The following RNF130 variants were observed in gnomAD, a reference collection of about 807,000 sequenced individuals.
RNF130 encodes ring finger protein 130.
RNF130 carries 21 observed loss-of-function variants against 44.6 expected under a neutral mutation model. The observed-to-expected ratio is 0.47, with a 90% CI of 0.33 to 0.68. The LOEUF is 0.68. RNF130 is among the 30% of genes least tolerant of loss of function. The pLI is 0.02. For synonymous variants in RNF130, 214 were observed against 210.4 expected, an observed-to-expected ratio of 1.02 and a Z score of -0.15; for missense variants, 479 against 560.6, an observed-to-expected ratio of 0.85 and a Z score of 1.47.
chr5:180,016,198 C>A (rs561640580), intron 2 of RNF130, among the ~76,000 whole-genome samples: 2 of 151,924 alleles, frequency 1.3e-5, no homozygotes, highest in Non-Finnish European at 2.9e-5. Flanking sequence ...CAGAATCTGG[C>A]GAAAGTTATA....
intron 6 of RNF130, among the ~76,000 whole-genome samples, chr5:179,968,170 C>T (rs1010166801): frequency 6.6e-6 from 1 of 152,230 alleles, no homozygotes; most frequent in African/African-American, 2.4e-5. Context: ...TGGCGGGTGC[C>T]TGTACTCCCA....
chr5:179,954,348 C>CCAT (rs1380408057), downstream of RNF130, among the ~76,000 whole-genome samples: 1 of 152,190 alleles, frequency 6.6e-6, no homozygotes, highest in African/African-American at 2.4e-5. Flanking sequence ...AGTCAAGCGT[C>CCAT]CATCAGCAGA....
intron 1 of RNF130, among the ~76,000 whole-genome samples, chr5:180,046,844 C>G (rs1764577531): frequency 6.6e-6 from 1 of 152,200 alleles, no homozygotes; most frequent in African/African-American, 2.4e-5. Context: ...GTATTAGTAA[C>G]TGGCTGTTTA....
rs1561667919 is a variant in RNF130 at position 179,955,536 on chromosome 5, GA to G, written c.*117del. Reference sequence around the variant, plus strand: ...AAAGCTTTGGCATTAGCAATTTTATGAAAAAATAAAATGTACTAAAAATAAA... The same window carrying G: ...AAAGCTTTGGCATTAGCAATTTTATGAAAAATAAAATGTACTAAAAATAAA... On this transcript the variant is annotated 3_prime_UTR_variant, in exon 9 of 9. Transcript: ENST00000521389. 1.2e-6 allele frequency: 1 copy of G among 844,218 alleles called. No homozygotes were observed. Among genetic ancestry groups the G allele is most frequent in the Non-Finnish European group, 1.8e-6 (1 of 543,910 alleles). 52.3% of individuals were successfully genotyped at this position (844,218 alleles called of 1,614,324 possible).
intron 4 of RNF130, 130 bp downstream of exon 4, chr5:179,979,999 G>A: frequency 2.8e-6 from 2 of 713,280 alleles, no homozygotes; most frequent in Non-Finnish European, 4.9e-6. Context: ...TTAAAATAAA[G>A]CATTAGGTAG....
intron 1 of RNF130, among the ~76,000 whole-genome samples, chr5:180,071,231 G>A (rs1251829959): frequency 6.6e-6 from 1 of 152,202 alleles, no homozygotes; most frequent in Non-Finnish European, 1.5e-5. Context: ...AAAGATGACC[G>A]TTCCAAGTCT....
chr5:180,068,652 T>C (rs927508755), intron 1 of RNF130, among the ~76,000 whole-genome samples: 1 of 152,252 alleles, frequency 6.6e-6, no homozygotes, highest in African/African-American at 2.4e-5. Flanking sequence ...GCCAAACTGA[T>C]AGTAGCACTG....
chr5:180,026,403 G>A (rs12514260), intron 2 of RNF130, among the ~76,000 whole-genome samples: 17,215 of 152,156 alleles, frequency 0.11, 2,117 homozygotes, highest in African/African-American at 0.31. Flanking sequence ...AGACAAGTAT[G>A]CATTATTGTA....
chr5:180,041,539 C>G (rs985509765), intron 1 of RNF130, among the ~76,000 whole-genome samples: 1 of 152,160 alleles, frequency 6.6e-6, no homozygotes, highest in Non-Finnish European at 1.5e-5. Context: ...TAAGAAGAAG[C>G]CCCCGGCTGC....
At chr5:180,038,411 G>GT (rs796970999) in intron 2 of RNF130, among the ~76,000 whole-genome samples, 2,489 of 57,360 alleles carry the variant, frequency 0.043, 83 homozygotes, top group African/African-American at 0.11. Flanking sequence ...AGCCTGTTTT[G>GT]TTTTTTTTTT....
intron 5 of RNF130, among the ~76,000 whole-genome samples, chr5:179,970,842 C>T (rs1023771644): frequency 1.3e-5 from 2 of 152,132 alleles, no homozygotes; most frequent in African/African-American, 2.4e-5. Flanking sequence ...ATGCTTTCTA[C>T]AATAGCTAAC....
rs761903856 is a variant in RNF130 at position 179,955,600 on chromosome 5, T to C, written c.*54A>G. 1.8e-4 allele frequency: 264 copies of C among 1,497,562 alleles called. 1 individual carries two copies. Among genetic ancestry groups the C allele is most frequent in the Non-Finnish European group, 1.7e-4 (189 of 1,099,612 alleles). The allele number at this position is 1,497,562 out of a possible 1,614,324, so 92.8% of individuals were successfully genotyped here. Reference sequence around the variant, plus strand: ...ATGATTGGTAAATGATGCACAAAAATAGGTTCTTTTTTCCTTCAAGGCAAA... The same window carrying C: ...ATGATTGGTAAATGATGCACAAAAACAGGTTCTTTTTTCCTTCAAGGCAAA... On this transcript the variant is annotated 3_prime_UTR_variant, in exon 9 of 9. Coordinates refer to ENST00000521389, the MANE Select transcript of RNF130 (RefSeq NM_018434.6).
At chr5:179,956,712 A>G (rs1762220919) in intron 8 of RNF130, among the ~76,000 whole-genome samples, 1 of 152,100 alleles carries the variant, frequency 6.6e-6, no homozygotes, top group Non-Finnish European at 1.5e-5. Context: ...AGCTCCCCCA[A>G]AGGTAAGGCG....
chr5:180,049,868 C>A (rs1417242807), intron 1 of RNF130, among the ~76,000 whole-genome samples: 1 of 151,986 alleles, frequency 6.6e-6, no homozygotes, highest in Non-Finnish European at 1.5e-5. Context: ...TCATTTCCCC[C>A]TTTTCCTCAT....
intron 3 of RNF130, among the ~76,000 whole-genome samples, chr5:180,003,638 T>A (rs569925025): frequency 1.3e-5 from 2 of 152,374 alleles, no homozygotes; most frequent in South Asian, 4.1e-4. Flanking sequence ...TAAGTGTCTA[T>A]GTATGTGTGT....
At chr5:180,025,299 C>G (rs1221019988) in intron 2 of RNF130, among the ~76,000 whole-genome samples, 1 of 152,224 alleles carries the variant, frequency 6.6e-6, no homozygotes, top group African/African-American at 2.4e-5. Context: ...AACAGTATTT[C>G]AAACCCATGT....
chr5:179,958,399 A>G lies in RNF130; in HGVS notation c.1245-2730T>C, dbSNP rs529535485. ...AAAATGTATCTCTTACAGTAGGAAGATGGTTTTTAGAAAGTCTGAAAAACA... is the reference window on the plus strand; with the variant it reads ...AAAATGTATCTCTTACAGTAGGAAGGTGGTTTTTAGAAAGTCTGAAAAACA... On this transcript the variant is annotated intron_variant, in intron 8 of 8. Coordinates refer to ENST00000521389, the MANE Select transcript of RNF130 (RefSeq NM_018434.6). Among the ~76,000 whole-genome samples, 5 of 152,354 alleles carry G rather than the reference A, an allele frequency of 3.3e-5. No homozygotes were observed. In the East Asian group the frequency reaches 9.6e-4, roughly 29 times the overall value.
At chr5:180,026,242 G>C (rs1292825698) in intron 2 of RNF130, among the ~76,000 whole-genome samples, 1 of 152,044 alleles carries the variant, frequency 6.6e-6, no homozygotes, top group Non-Finnish European at 1.5e-5. Flanking sequence ...TTCAACAATG[G>C]AAAGAATGTC....
At chr5:179,929,476 G>A (rs901294625) in intron 7 of RNF130, among the ~76,000 whole-genome samples, 1 of 152,180 alleles carries the variant, frequency 6.6e-6, no homozygotes, top group African/African-American at 2.4e-5. Context: ...GGCTGGGCGT[G>A]GTGGCTCACA....
Sources: allele counts gnomAD v4.1 joint callset (sites outside exome capture counted in the v4.1 genomes callset), GRCh38; gene constraint gnomAD v4.1.1; transcripts MANE v1.5; gene names NCBI Gene and HGNC (gene_info 2026-07-23, HGNC 2026-07-21).